Variants in CCNT2 observed in about 807,000 individuals in gnomAD.
The protein encoded by CCNT2 is cyclin T2, also known as cyclin-T2.
Under a neutral mutation model 70.0 loss-of-function variants are expected in CCNT2, and 18 were observed. That is an observed-to-expected ratio of 0.26 (90% CI 0.18 to 0.38). The LOEUF (loss-of-function observed/expected upper bound fraction) is 0.38, where lower values mean the gene tolerates loss of function less well. Ranked by LOEUF, CCNT2 falls within the 10% of genes least tolerant of loss-of-function variation. The probability of loss-of-function intolerance (pLI) is 1.00; values close to 1 mark genes in which losing one functional copy is unlikely to be tolerated. For synonymous variants in CCNT2, 334 were observed against 313.3 expected (o/e 1.07, Z -0.70); for missense variants, 734 against 890.2 (o/e 0.82, Z 2.23).
Position 134,954,703 on chromosome 2 carries a change from T to C in CCNT2, c.*55T>C. ...TTTTTTAATTTAAAAATTGTTAGAA[T>C]GGAAAAATTCCTTCTGATCTAGCAG... On this transcript the variant is annotated 3_prime_UTR_variant, in exon 9 of 9. Coordinates refer to ENST00000264157, the MANE Select transcript of CCNT2 (RefSeq NM_058241.3). 8.0e-7 allele frequency: 1 copy of C among 1,242,750 alleles called. No individual in the cohort carries two copies. Among genetic ancestry groups the C allele is most frequent in the Non-Finnish European group, 1.2e-6 (1 of 866,274 alleles). The allele number at this position is 1,242,750 out of a possible 1,614,324, so 77.0% of individuals were successfully genotyped here.
intron 5 of CCNT2, chr2:134,944,642 C>G (rs1681815595): frequency 2.0e-6 from 2 of 982,394 alleles, no homozygotes; most frequent in Non-Finnish European, 2.4e-6. Context: ...GTGACTGATT[C>G]TTTGAGTACA....
intron 2 of CCNT2, among the ~76,000 whole-genome samples, chr2:134,923,948 C>T (rs1336614056): frequency 1.3e-5 from 2 of 152,188 alleles, no homozygotes; most frequent in Non-Finnish European, 2.9e-5. Flanking sequence ...TATTTGCCCG[C>T]CTCATTGCAC....
intron 1 of CCNT2, among the ~76,000 whole-genome samples, 171 bp from the exon 2 acceptor site, chr2:134,919,639 C>G (rs546173652): frequency 6.6e-6 from 1 of 152,268 alleles, no homozygotes; most frequent in African/African-American, 2.4e-5. Flanking sequence ...GGCGTCAAGC[C>G]TATTCTCTTC....
intron 2 of CCNT2, among the ~76,000 whole-genome samples, chr2:134,921,510 C>T (rs1054953439): frequency 6.6e-6 from 1 of 152,154 alleles, no homozygotes; most frequent in African/African-American, 2.4e-5. Context: ...TGTGCCACCA[C>T]TCCCGGCTAA....
chr2:134,950,747 A>C (rs1252392958), intron 7 of CCNT2, among the ~76,000 whole-genome samples: 4 of 152,252 alleles, frequency 2.6e-5, no homozygotes, highest in African/African-American at 9.6e-5. Context: ...AGAAAAGAAC[A>C]TTGGCTTAGA....
intron 2 of CCNT2, 42 bp from the exon 3 acceptor site, chr2:134,936,799 T>G: frequency 6.5e-7 from 1 of 1,538,380 alleles, no homozygotes; most frequent in Non-Finnish European, 8.8e-7. Flanking sequence ...TTTTTTGAAA[T>G]GTATTTGTTC....
At chr2:134,951,068 A>G (rs1682466070) in intron 7 of CCNT2, among the ~76,000 whole-genome samples, 1 of 151,874 alleles carries the variant, frequency 6.6e-6, no homozygotes, top group African/African-American at 2.4e-5. Flanking sequence ...TCAAATGAGG[A>G]AGTAAAGGTC....
intron 2 of CCNT2, among the ~76,000 whole-genome samples, chr2:134,932,174 C>T (rs919552991): frequency 1.2e-4 from 15 of 130,332 alleles, no homozygotes; most frequent in African/African-American, 3.7e-4. Context: ...TTAGTAGAGA[C>T]GGGGTTTCAC....
intron 7 of CCNT2, 30 bp downstream of exon 7, chr2:134,947,929 G>T (rs1573851417): frequency 7.6e-7 from 1 of 1,317,826 alleles, no homozygotes; most frequent in South Asian, 1.9e-5. Flanking sequence ...TTTTAAGTTT[G>T]GAATTATCTA....
intron 7 of CCNT2, among the ~76,000 whole-genome samples, chr2:134,952,008 T>C (rs954153024): frequency 6.6e-6 from 1 of 152,186 alleles, no homozygotes; most frequent in African/African-American, 2.4e-5. Context: ...AGTTGGGGTT[T>C]GTCTGATGAT....
chr2:134,954,178 C>T lies in CCNT2; in HGVS notation c.1723C>T (p.His575Tyr), dbSNP rs1178369165. 3.7e-6 allele frequency: 6 copies of T among 1,614,180 alleles called. No homozygotes were observed. Among genetic ancestry groups the T allele is most frequent in the Admixed American group, 1.7e-5 (1 of 60,020 alleles). Residue 575 changes from histidine (H) to tyrosine (Y), a missense_variant, in exon 9 of 9, where the codon CAT becomes TAT. By Grantham distance (83) the His-to-Tyr change is moderately conservative (BLOSUM62 2). Transcript: ENST00000264157. Reference protein sequence around the residue: ...SSRHHTSSHKHSHSHSGSSSG... With the variant: ...SSRHHTSSHKYSHSHSGSSSG... ...CCGCCACCACACCAGCAGCCACAAGCATTCCCACTCGCATAGTGGCAGCAG... is the reference window on the plus strand; with the variant it reads ...CCGCCACCACACCAGCAGCCACAAGTATTCCCACTCGCATAGTGGCAGCAG...
At chr2:134,921,023 G>A (rs916306628) in intron 2 of CCNT2, among the ~76,000 whole-genome samples, 1 of 152,016 alleles carries the variant, frequency 6.6e-6, no homozygotes, top group African/African-American at 2.4e-5. Flanking sequence ...CATAATTCTT[G>A]CTCTGTTGCT....
At chr2:134,937,633 C>T (rs1386876315) in intron 3 of CCNT2, among the ~76,000 whole-genome samples, 1 of 152,002 alleles carries the variant, frequency 6.6e-6, no homozygotes, top group Non-Finnish European at 1.5e-5. Flanking sequence ...TAAAAATTTT[C>T]GGCCAGGCAC....
rs539587093 is a variant in CCNT2, at chr2:134,924,901, G to A, written c.240+5010G>A. The stretch of plus-strand genomic sequence containing the variant: ...CCCTCCATCTTTTTATGTCAACTAA[G>A]TTGTAGCTGTTGAAGGACCCTAGAG... On this transcript the variant is annotated intron_variant, in intron 2 of 8. Transcript: ENST00000264157. 2.6e-4 allele frequency among the ~76,000 whole-genome samples: 40 copies of A among 152,264 alleles called. No individual in the cohort carries two copies. In the South Asian group the frequency reaches 8.3e-3, roughly 32 times the overall value.
chr2:134,921,218 A>G (rs1282107383), intron 2 of CCNT2, among the ~76,000 whole-genome samples: 1 of 152,236 alleles, frequency 6.6e-6, no homozygotes, highest in Non-Finnish European at 1.5e-5. Flanking sequence ...CTGGATAATA[A>G]TGGTAGAAAT....
intron 2 of CCNT2, among the ~76,000 whole-genome samples, chr2:134,929,636 A>AGAGAGAGAGAGAGAGAG (rs1419165195): frequency 2.9e-4 from 38 of 129,806 alleles, no homozygotes; most frequent in Non-Finnish European, 3.5e-4. Flanking sequence ...AGAGAGAGAG[A>AGAGAGAGAGAGAGAGAG]ACTAATAAAT....
rs1405480460 is a variant in CCNT2 at position 134,953,846 on chromosome 2, A to G, written c.1391A>G (p.Gln464Arg). 1 of 1,614,048 alleles carries G rather than the reference A, an allele frequency of 6.2e-7. No homozygotes were observed. Among genetic ancestry groups the G allele is most frequent in the African/African-American group, 1.3e-5 (1 of 74,922 alleles). Residue 464 changes from glutamine (Q) to arginine (R), a missense_variant, in exon 9 of 9, where the codon CAG becomes CGG. By Grantham distance (43) the Gln-to-Arg change is conservative. This residue lies in a region of CCNT2 where 532 missense variants were observed against 556.9 expected (regional missense o/e 0.96). Coordinates refer to ENST00000264157, the MANE Select transcript of CCNT2 (RefSeq NM_058241.3). ...DHYIAAQVEQQHKQGQSQAAS... is the reference protein window; with the variant it reads ...DHYIAAQVEQRHKQGQSQAAS... ...TATATAGCTGCCCAGGTAGAACAGC[A>G]GCACAAACAAGGGCAGTCACAGGCA...
rs974373320 is a variant in CCNT2, at chr2:134,954,806, T to G, written c.*158T>G. The G allele has an allele frequency of 1.7e-5, 10 of 595,754 alleles. No homozygotes were observed. Among genetic ancestry groups the G allele is most frequent in the Non-Finnish European group, 2.7e-5 (9 of 335,436 alleles). 36.9% of individuals were successfully genotyped at this position (595,754 alleles called of 1,614,324 possible). A position where few individuals can be genotyped will look rare whatever the true frequency, so the allele number is the denominator to read the frequency against. On this transcript the variant is annotated 3_prime_UTR_variant, in exon 9 of 9. Coordinates refer to ENST00000264157, the MANE Select transcript of CCNT2 (RefSeq NM_058241.3). The stretch of plus-strand genomic sequence containing the variant: ...ATTCTTCATTCTGAAAAGAAGAGAT[T>G]ATAGTAAACAAGTCTTTATCTCCAC...
rs1559115127 is a variant in CCNT2 at position 134,953,215 on chromosome 2, GTTTTA to G, written c.775-9_775-5del. 3.2e-6 allele frequency: 5 copies of G among 1,580,878 alleles called. No homozygotes were observed. The highest frequency in any genetic ancestry group is 1.1e-5 in the South Asian group (1 of 88,576). ...TTTGCTATATCACTGCTTCTTCTGTGTTTTATTTTAATAGGCTAATCAGGCAGCTA... is the reference window on the plus strand; with the variant it reads ...TTTGCTATATCACTGCTTCTTCTGTGTTTTAATAGGCTAATCAGGCAGCTA... On this transcript the variant is annotated splice_polypyrimidine_tract_variant and intron_variant, in intron 8 of 8. Coordinates refer to ENST00000264157, the MANE Select transcript of CCNT2 (RefSeq NM_058241.3).
Sources: allele counts gnomAD v4.1 joint callset (sites outside exome capture counted in the v4.1 genomes callset), GRCh38; gene constraint gnomAD v4.1.1; regional missense constraint gnomAD v4.1.1; transcripts MANE v1.5; gene names NCBI Gene and HGNC (gene_info 2026-07-23, HGNC 2026-07-21).